The following WWOX variants were observed in gnomAD, a reference collection of about 807,000 sequenced individuals.
WWOX encodes WW domain-containing oxidoreductase.
Under a neutral mutation model 46.2 loss-of-function variants are expected in WWOX, and 69 were observed. The observed-to-expected ratio is 1.49, with a 90% CI of 1.23 to 1.82. The LOEUF (loss-of-function observed/expected upper bound fraction) is 1.82, where lower values mean the gene tolerates loss of function less well. Ranked by LOEUF, WWOX falls within the 40% of genes most tolerant of loss-of-function variation. The pLI, the probability that WWOX is intolerant of heterozygous loss-of-function variation, is 0.00. For missense variants in WWOX, 919 were observed against 542.6 expected (o/e 1.69, Z -6.89); for synonymous variants, 359 against 202.6 (o/e 1.77, Z -6.56).
chr16:78,507,927 G>C (rs191898796), intron 8 of WWOX, among the ~76,000 whole-genome samples: 5 of 152,076 alleles, frequency 3.3e-5, no homozygotes, highest in Admixed American at 1.3e-4. Context: ...AACTTTCTTA[G>C]AACATCAGGA....
At chr16:78,555,124 C>G (rs2044262926) in intron 8 of WWOX, among the ~76,000 whole-genome samples, 1 of 144,992 alleles carries the variant, frequency 6.9e-6, no homozygotes, top group African/African-American at 2.6e-5. Flanking sequence ...CTCTCTTTCT[C>G]TCTGTCTTTT....
At chr16:78,605,691 T>A (rs1223887421) in intron 8 of WWOX, among the ~76,000 whole-genome samples, 1 of 152,218 alleles carries the variant, frequency 6.6e-6, no homozygotes, top group Non-Finnish European at 1.5e-5. Flanking sequence ...GAGGCATAGT[T>A]CTTTGTCATA....
intron 7 of WWOX, among the ~76,000 whole-genome samples, chr16:78,428,911 T>C (rs1283853151): frequency 6.6e-6 from 1 of 152,092 alleles, no homozygotes; most frequent in African/African-American, 2.4e-5. Flanking sequence ...ATGGAAAACA[T>C]AGAAGAGTTG....
intron 8 of WWOX, among the ~76,000 whole-genome samples, chr16:78,674,056 C>T (rs2047529766): frequency 6.6e-6 from 1 of 151,862 alleles, no homozygotes; most frequent in Non-Finnish European, 1.5e-5. Context: ...TCGATGGGAA[C>T]CGACTCAAAG....
intron 8 of WWOX, among the ~76,000 whole-genome samples, chr16:78,501,290 G>T (rs148109878): frequency 9.5e-5 from 14 of 148,038 alleles, no homozygotes; most frequent in Admixed American, 7.6e-4. Flanking sequence ...CCTTGGTTCA[G>T]ATATCTTTGT....
In WWOX at chr16:78,723,147, T is replaced by A. The variant is rs140458296; in HGVS notation, c.1056+290395T>A. Reference sequence around the variant, plus strand: ...AAGATCATCCCGTCAACTGCTGGCCTGCCGCTTGTGTTCGTTAATAGAACA... The same window carrying A: ...AAGATCATCCCGTCAACTGCTGGCCAGCCGCTTGTGTTCGTTAATAGAACA... On this transcript the variant is annotated intron_variant, in intron 8 of 8. Coordinates refer to ENST00000566780, the MANE Select transcript of WWOX (RefSeq NM_016373.4). Among the ~76,000 whole-genome samples the A allele has an allele frequency of 1.0e-3, 159 of 152,350 alleles. 1 individual carries two copies. The highest frequency in any genetic ancestry group is 3.7e-3 in the African/African-American group (154 of 41,590).
At chr16:78,270,373 T>C (rs1399732718) in intron 5 of WWOX, 1 of 152,186 alleles carries the variant, frequency 6.6e-6, no homozygotes, top group Non-Finnish European at 1.5e-5. Flanking sequence ...ATGGCTTTCT[T>C]TCCAGTATAA....
At chr16:78,774,449 G>T (rs1373038102) in intron 8 of WWOX, among the ~76,000 whole-genome samples, 3 of 151,812 alleles carry the variant, frequency 2.0e-5, no homozygotes, top group Admixed American at 6.6e-5. Flanking sequence ...AATCCACGTT[G>T]GTGTGTCTCA....
chr16:79,150,924 C>T (rs4309413), intron 8 of WWOX, among the ~76,000 whole-genome samples: 54,281 of 152,016 alleles, frequency 0.36, 10,175 homozygotes, highest in East Asian at 0.52. Flanking sequence ...TCTGCTGTCA[C>T]TGGTGTAGAA....
chr16:78,265,630 A>T (rs1306559692), intron 5 of WWOX, among the ~76,000 whole-genome samples: 1 of 151,146 alleles, frequency 6.6e-6, no homozygotes, highest in African/African-American at 2.4e-5. Context: ...GTCAGCTGAG[A>T]TTGTGCCGTT....
chr16:78,708,219 C>T (rs550276605), intron 8 of WWOX, among the ~76,000 whole-genome samples: 3 of 152,222 alleles, frequency 2.0e-5, no homozygotes, highest in African/African-American at 4.8e-5. Context: ...AAACAGGACA[C>T]CTGGTTAAAT....
intron 8 of WWOX, among the ~76,000 whole-genome samples, chr16:78,759,550 A>G (rs2049739394): frequency 6.6e-6 from 1 of 152,098 alleles, no homozygotes; most frequent in Admixed American, 6.5e-5. Context: ...GCACAAACCT[A>G]GGTACTCATT....
At chr16:78,393,410 C>A (rs780277916) in intron 6 of WWOX, among the ~76,000 whole-genome samples, 1 of 152,028 alleles carries the variant, frequency 6.6e-6, no homozygotes, top group East Asian at 1.9e-4. Flanking sequence ...ATAATCCCAG[C>A]GCTTTTGGGA....
chr16:78,278,732 T>C (rs538763473), intron 5 of WWOX: 3 of 1,415,926 alleles, frequency 2.1e-6, no homozygotes, highest in Non-Finnish European at 2.9e-6. Context: ...TCCTGGTCTT[T>C]TCATGTTTTG....
intron 8 of WWOX, among the ~76,000 whole-genome samples, chr16:78,933,474 CAT>C (rs1273573230): frequency 1.3e-5 from 2 of 152,166 alleles, no homozygotes; most frequent in African/African-American, 4.8e-5. Context: ...AAGATGTTGA[CAT>C]AACAGTTCTG....
chr16:78,108,167 C>G (rs958224545), intron 1 of WWOX, among the ~76,000 whole-genome samples: 2 of 151,224 alleles, frequency 1.3e-5, no homozygotes, highest in African/African-American at 2.4e-5. Flanking sequence ...ACCTTGTGAT[C>G]TGCTCCCCTA....
At chr16:78,217,389 A>G (rs13331978) in intron 5 of WWOX, among the ~76,000 whole-genome samples, 7,739 of 152,248 alleles carry the variant, frequency 0.051, 649 homozygotes, top group African/African-American at 0.17. Flanking sequence ...GGAAAATGCT[A>G]AAGATATAAA....
At chr16:78,948,133 C>G (rs1475750480) in intron 8 of WWOX, among the ~76,000 whole-genome samples, 1 of 152,180 alleles carries the variant, frequency 6.6e-6, no homozygotes, top group Non-Finnish European at 1.5e-5. Flanking sequence ...CTCTGTGAAC[C>G]TTAAGTTGCT....
In WWOX at chr16:79,212,294, G is replaced by T; in HGVS notation, c.*498G>T. 3 of 1,039,026 alleles carry T rather than the reference G, an allele frequency of 2.9e-6. No homozygotes were observed. Among genetic ancestry groups the T allele is most frequent in the South Asian group, 3.6e-5 (2 of 56,050 alleles). 64.4% of individuals were successfully genotyped at this position (1,039,026 alleles called of 1,614,324 possible). ...TCCTGACCAAGACTGAGCCAGCTTA[G>T]CAACTGCTGGGGAGACAAATCTCAG... On this transcript the variant is annotated 3_prime_UTR_variant, in exon 9 of 9. Coordinates refer to ENST00000566780, the MANE Select transcript of WWOX (RefSeq NM_016373.4).
Sources: gnomAD v4.1 joint callset for allele counts (sites outside exome capture counted in the v4.1 genomes callset) on GRCh38, gnomAD v4.1.1 for gene constraint, MANE v1.5 for transcripts, NCBI Gene and HGNC (gene_info 2026-07-23, HGNC 2026-07-21) for gene names.